SPTLC2: variants seen among roughly 807,000 people sequenced by gnomAD.
SPTLC2 encodes serine palmitoyltransferase long chain base subunit 2.
Under a neutral mutation model 62.0 loss-of-function variants are expected in SPTLC2, and 21 were observed. The observed-to-expected ratio is 0.34, with a 90% CI of 0.24 to 0.49. The LOEUF (loss-of-function observed/expected upper bound fraction) is 0.49, where lower values mean the gene tolerates loss of function less well. SPTLC2 is among the 20% of genes least tolerant of loss of function. SPTLC2 has a pLI of 0.99. For missense variants in SPTLC2, 511 were observed against 713.0 expected, an observed-to-expected ratio of 0.72 and a Z score of 3.23; for synonymous variants, 261 against 261.8, an observed-to-expected ratio of 1.00 and a Z score of 0.03.
Position 77,562,386 on chromosome 14 carries a change from G to A in SPTLC2, c.850+10C>T, listed in dbSNP as rs1468685097. 2 of 1,612,334 alleles carry A rather than the reference G, an allele frequency of 1.2e-6. No homozygotes were observed. The highest frequency in any genetic ancestry group is 2.7e-5 in the African/African-American group (2 of 74,892). On this transcript the variant is annotated intron_variant, in intron 6 of 11. Transcript: ENST00000216484. ...ACCAAGGCCAGCAGTGAATTCTTCA[G>A]CAAACTCACTGTTGTGTTTGAAGAT...
intron 1 of SPTLC2, among the ~76,000 whole-genome samples, chr14:77,615,741 G>A (rs1239001189): frequency 2.6e-5 from 4 of 152,232 alleles, no homozygotes; most frequent in Non-Finnish European, 5.9e-5. Context: ...GTCATCGCAA[G>A]TCACCACCAG....
At position 77,514,168 on chromosome 14, in the gene SPTLC2, G is replaced by A. The variant is rs541672330; in HGVS notation, c.1570-1765C>T. On this transcript the variant is annotated intron_variant, in intron 11 of 11. Coordinates refer to ENST00000216484, the MANE Select transcript of SPTLC2 (RefSeq NM_004863.4). ...ACTGTACTCCAGCCTGGGTGACTGA[G>A]ACCCTGCCTCAAAATAATAATAATA... Among the ~76,000 whole-genome samples, 3 of 152,278 alleles carry A rather than the reference G, an allele frequency of 2.0e-5. No homozygotes were observed. In the South Asian group the frequency reaches 6.2e-4, roughly 32 times the overall value.
chr14:77,561,920 C>A lies in SPTLC2; in HGVS notation c.850+476G>T, dbSNP rs1019232940. Among the ~76,000 whole-genome samples the A allele has an allele frequency of 4.6e-5, 7 of 152,312 alleles. 1 individual carries two copies. In the South Asian group the frequency reaches 1.4e-3, roughly 32 times the overall value. ...ATTCTAAATAATCATTTTAATAATA[C>A]ACAAAGATATTTCCACTGAGGGAGG... On this transcript the variant is annotated intron_variant, in intron 6 of 11. Transcript: ENST00000216484.
At chr14:77,532,732 C>T (rs143652803) in intron 9 of SPTLC2, among the ~76,000 whole-genome samples, 1 of 151,446 alleles carries the variant, frequency 6.6e-6, no homozygotes, top group African/African-American at 2.4e-5. Context: ...TGCAGTGAGC[C>T]GAGATAGTGC....
At chr14:77,604,121 T>C (rs2079892220) in intron 1 of SPTLC2, among the ~76,000 whole-genome samples, 1 of 152,216 alleles carries the variant, frequency 6.6e-6, no homozygotes, top group Non-Finnish European at 1.5e-5. Flanking sequence ...GCGCCCCTGG[T>C]GGTCACGTGT....
chr14:77,570,594 A>G lies in SPTLC2; in HGVS notation c.632-86T>C, dbSNP rs2079676291. The G allele has an allele frequency of 8.6e-6, 13 of 1,516,030 alleles. No homozygotes were observed. The South Asian group carries it at 1.0e-4, about 12-fold the overall frequency. The allele number at this position is 1,516,030 out of a possible 1,614,324, so 93.9% of individuals were successfully genotyped here. A position where few individuals can be genotyped will look rare whatever the true frequency, so the allele number is the denominator to read the frequency against. On this transcript the variant is annotated intron_variant, in intron 4 of 11. Coordinates refer to ENST00000216484, the MANE Select transcript of SPTLC2 (RefSeq NM_004863.4). ...ACTTTATTAAAAGAAATCATAGTAT[A>G]TGTGTTGTGTCCTTTTCAGACTAAG...
chr14:77,615,593 A>G (rs774271169), intron 1 of SPTLC2, among the ~76,000 whole-genome samples: 2 of 152,246 alleles, frequency 1.3e-5, no homozygotes, highest in Non-Finnish European at 2.9e-5. Flanking sequence ...ATCTTTAAAA[A>G]CACATTTCAA....
At chr14:77,615,873 C>T (rs898355340) in intron 1 of SPTLC2, among the ~76,000 whole-genome samples, 7 of 152,138 alleles carry the variant, frequency 4.6e-5, no homozygotes, top group African/African-American at 1.7e-4. Context: ...ATGATGCTTT[C>T]GAGGGACCAG....
At chr14:77,598,782 A>G (rs1164424800) in intron 1 of SPTLC2, among the ~76,000 whole-genome samples, 1 of 152,150 alleles carries the variant, frequency 6.6e-6, no homozygotes, top group African/African-American at 2.4e-5. Flanking sequence ...ACAAAAAACA[A>G]AAACACTAGC....
At chr14:77,554,180 C>A (rs941973752) in intron 8 of SPTLC2, among the ~76,000 whole-genome samples, 12 of 152,154 alleles carry the variant, frequency 7.9e-5, no homozygotes, top group African/African-American at 2.9e-4. Context: ...TTTATGAGCA[C>A]CTCCTCTGTG....
intron 10 of SPTLC2, 69 bp downstream of exon 10, chr14:77,521,377 A>C (rs748684477): frequency 1.2e-4 from 185 of 1,598,642 alleles, no homozygotes; most frequent in Non-Finnish European, 1.5e-4. Context: ...AACAAAATAC[A>C]TAAGCCCTGG....
At position 77,511,924 on chromosome 14, in the gene SPTLC2, G is replaced by A. The variant is rs1248294010; in HGVS notation, c.*360C>T. The stretch of plus-strand genomic sequence containing the variant: ...GCCAGGGCCAGCAGTAGCTCTTGAT[G>A]GGCCCAAGTCTGCAAGGTGCTGGGA... On this transcript the variant is annotated 3_prime_UTR_variant, in exon 12 of 12. Transcript: ENST00000216484. 1.3e-5 allele frequency: 4 copies of A among 316,112 alleles called. No individual in the cohort carries two copies. Among genetic ancestry groups the A allele is most frequent in the Non-Finnish European group, 2.5e-5 (4 of 162,802 alleles). The allele number at this position is 316,112 out of a possible 1,614,324, so 19.6% of individuals were successfully genotyped here. A position where few individuals can be genotyped will look rare whatever the true frequency, so the allele number is the denominator to read the frequency against.
Position 77,507,305 on chromosome 14 carries a change from T to G in SPTLC2, c.*4979A>C, listed in dbSNP as rs1223779198. The G allele has an allele frequency of 6.6e-6, 1 of 151,432 alleles. No individual in the cohort carries two copies. The highest frequency in any genetic ancestry group is 1.5e-5 in the Non-Finnish European group (1 of 68,014). 9.4% of individuals were successfully genotyped at this position (151,432 alleles called of 1,614,324 possible). A position where few individuals can be genotyped will look rare whatever the true frequency, so the allele number is the denominator to read the frequency against. The stretch of plus-strand genomic sequence containing the variant: ...TAATTTGGCTCTCTGGCTGGGCACA[T>G]GGCAATGGCTAGGGGCCTGGGCACA... On this transcript the variant is annotated 3_prime_UTR_variant, in exon 12 of 12. Coordinates refer to ENST00000216484, the MANE Select transcript of SPTLC2 (RefSeq NM_004863.4).
Position 77,564,425 on chromosome 14 carries a change from ACACACACACACAC to A in SPTLC2, c.757-1949_757-1937del, listed in dbSNP as rs1566781720. Among the ~76,000 whole-genome samples the A allele has an allele frequency of 5.8e-3, 734 of 126,086 alleles. 8 individuals carry two copies. Among genetic ancestry groups the A allele is most frequent in the African/African-American group, 0.029 (711 of 24,882 alleles). 82.7% of individuals were successfully genotyped at this position (126,086 alleles called of 152,430 possible). On this transcript the variant is annotated intron_variant, in intron 5 of 11. Transcript: ENST00000216484. The stretch of plus-strand genomic sequence containing the variant: ...TACACACACACACACACACACACAC[ACACACACACACAC>A]ACACACACACACAGATGTGTGTGTA...
rs1042627494 is a variant in SPTLC2 at position 77,580,709 on chromosome 14, C to T, written c.328-1600G>A. 3.3e-5 allele frequency among the ~76,000 whole-genome samples: 5 copies of T among 151,914 alleles called. No homozygotes were observed. In the South Asian group the frequency reaches 1.0e-3, roughly 31 times the overall value. ...CTGCACTCCAGTCTGTGCAACAGAG[C>T]GAGAACCTGTCTCAAAAAGAAAAGA... On this transcript the variant is annotated intron_variant, in intron 2 of 11. Coordinates refer to ENST00000216484, the MANE Select transcript of SPTLC2 (RefSeq NM_004863.4).
intron 2 of SPTLC2, among the ~76,000 whole-genome samples, chr14:77,592,011 G>A (rs923507825): frequency 4.0e-5 from 6 of 150,632 alleles, no homozygotes; most frequent in African/African-American, 9.8e-5. Context: ...GACGTGAGCC[G>A]CCGTGCCCAG....
At chr14:77,559,118 G>C (rs966692422) in intron 6 of SPTLC2, among the ~76,000 whole-genome samples, 1 of 152,016 alleles carries the variant, frequency 6.6e-6, no homozygotes, top group Non-Finnish European at 1.5e-5. Context: ...TCAGGAGTTC[G>C]AGACCAGACT....
At chr14:77,528,484 G>A (rs1247774372) in intron 9 of SPTLC2, among the ~76,000 whole-genome samples, 3 of 152,140 alleles carry the variant, frequency 2.0e-5, no homozygotes, top group African/African-American at 7.2e-5. Flanking sequence ...GCCCGCCTCG[G>A]CCTCCCAAAG....
intron 1 of SPTLC2, among the ~76,000 whole-genome samples, chr14:77,614,729 T>C (rs1373127968): frequency 6.7e-6 from 1 of 150,342 alleles, no homozygotes; most frequent in African/African-American, 2.5e-5. Context: ...CCAGCACTTT[T>C]GGAGGCCAAG....
Sources: allele counts gnomAD v4.1 joint callset (sites outside exome capture counted in the v4.1 genomes callset), GRCh38; gene constraint gnomAD v4.1.1; transcripts MANE v1.5; gene names NCBI Gene and HGNC (gene_info 2026-07-23, HGNC 2026-07-21).